DNAJC5: variants seen among roughly 807,000 people sequenced by gnomAD.
The protein encoded by DNAJC5 is DnaJ heat shock protein family (Hsp40) member C5, also known as dnaJ homolog subfamily C member 5.
DNAJC5 carries 1 observed loss-of-function variant against 23.2 expected under a neutral mutation model. That is an observed-to-expected ratio of 0.04 (90% CI 0.02 to 0.20). The LOEUF is 0.20. Among genes scored for constraint, DNAJC5 ranks in the 10% least tolerant of loss-of-function variants. The pLI is 1.00. For synonymous variants in DNAJC5, 136 were observed against 120.0 expected, an observed-to-expected ratio of 1.13 and a Z score of -0.87; for missense variants, 180 against 267.0, an observed-to-expected ratio of 0.67 and a Z score of 2.27.
intron 3 of DNAJC5, 33 bp from the exon 4 acceptor site, chr20:63,930,818 A>G: frequency 6.2e-7 from 1 of 1,610,980 alleles, no homozygotes; most frequent in Non-Finnish European, 8.5e-7. Context: ...GGGGCCTCGG[A>G]GGCCATGCAA....
At chr20:63,919,285 G>A (rs1295037349) in intron 1 of DNAJC5, among the ~76,000 whole-genome samples, 1 of 152,218 alleles carries the variant, frequency 6.6e-6, no homozygotes, top group Non-Finnish European at 1.5e-5. Flanking sequence ...TGAGTCCCCA[G>A]CTCTGAGAAC....
At chr20:63,924,999 T>C (rs151127018) in intron 1 of DNAJC5, among the ~76,000 whole-genome samples, 475 of 152,292 alleles carry the variant, frequency 3.1e-3, no homozygotes, top group African/African-American at 0.011. Flanking sequence ...AGAAGAACTT[T>C]ATTGAGCAGT....
chr20:63,905,586 T>C (rs902829753), intron 1 of DNAJC5, among the ~76,000 whole-genome samples: 2 of 148,688 alleles, frequency 1.3e-5, no homozygotes, highest in African/African-American at 2.5e-5. Context: ...TTTTTTTTTT[T>C]CACGGAGTCT....
Position 63,930,672 on chromosome 20 carries a change from G to A in DNAJC5, c.322-179G>A, listed in dbSNP as rs545515089. On this transcript the variant is annotated intron_variant, in intron 3 of 4. Coordinates refer to ENST00000360864, the MANE Select transcript of DNAJC5 (RefSeq NM_025219.3). ...TGGAGGCTGCTTTTCTTTAAGCTGC[G>A]GGTTTCTTTCTGTCTCTCCTCCTCC... is the stretch of plus-strand genomic sequence containing the variant. Among the ~76,000 whole-genome samples, 3 of 152,284 alleles carry A rather than the reference G, an allele frequency of 2.0e-5. No individual in the cohort carries two copies. In the East Asian group the frequency reaches 5.8e-4, roughly 29 times the overall value.
intron 1 of DNAJC5, among the ~76,000 whole-genome samples, chr20:63,904,614 G>T (rs376765147): frequency 6.6e-6 from 1 of 152,148 alleles, no homozygotes; most frequent in Non-Finnish European, 1.5e-5. Context: ...TTGTAAACCT[G>T]CTCTGGTTAA....
intron 1 of DNAJC5, among the ~76,000 whole-genome samples, chr20:63,904,849 G>C (rs534018376): frequency 9.2e-5 from 14 of 152,192 alleles, no homozygotes; most frequent in Admixed American, 2.6e-4. Context: ...TGTACCCCAG[G>C]CTGGAGTGCA....
At chr20:63,895,993 C>T (rs1256545193) in intron 1 of DNAJC5, among the ~76,000 whole-genome samples, 1 of 152,026 alleles carries the variant, frequency 6.6e-6, no homozygotes, top group Admixed American at 6.5e-5. Flanking sequence ...TTTCGTGTGC[C>T]GAAGCCATGA....
rs1401745115 is a variant in DNAJC5, at chr20:63,920,781, G to A, written c.-11-7554G>A. ...CAACCTCCCCCTCGAGGGTTCAAGC[G>A]ATTCTCCTGCCTCAGCCTCCTGAGT... On this transcript the variant is annotated intron_variant, in intron 1 of 4. Transcript: ENST00000360864. This position sits in a 1 kb window ranked among gnomAD's most constrained non-coding sequence, Gnocchi z 4.6. Among the ~76,000 whole-genome samples the A allele has an allele frequency of 1.3e-5, 2 of 152,052 alleles. No homozygotes were observed. The highest frequency in any genetic ancestry group is 6.6e-5 in the Admixed American group (1 of 15,264).
rs1026889277 is a variant in DNAJC5 at position 63,928,052 on chromosome 20, C to T, written c.-11-283C>T. ...GCAGCCTCAAACTCCTGGGCTCAAG[C>T]GGTCCTCCCGCCTCAGCCTCCCAAA... On this transcript the variant is annotated intron_variant, in intron 1 of 4. Transcript: ENST00000360864. This position sits in a 1 kb window ranked among gnomAD's most constrained non-coding sequence, Gnocchi z 4.6. Among the ~76,000 whole-genome samples the T allele has an allele frequency of 1.3e-5, 2 of 152,298 alleles. No homozygotes were observed. The highest frequency in any genetic ancestry group is 2.1e-4 in the South Asian group (1 of 4,826).
At chr20:63,914,204 C>T (rs898718005) in intron 1 of DNAJC5, among the ~76,000 whole-genome samples, 1 of 152,122 alleles carries the variant, frequency 6.6e-6, no homozygotes, top group Non-Finnish European at 1.5e-5. Context: ...CTGTGACCCA[C>T]AGGGTTTACC....
intron 1 of DNAJC5, among the ~76,000 whole-genome samples, chr20:63,923,873 A>G (rs1249200355): frequency 1.3e-4 from 20 of 152,224 alleles, no homozygotes; most frequent in Admixed American, 1.2e-3. Flanking sequence ...TTGAGCCAGA[A>G]CGACCTGGCC....
chr20:63,918,099 T>A (rs1227453712), intron 1 of DNAJC5, among the ~76,000 whole-genome samples: 1 of 152,206 alleles, frequency 6.6e-6, no homozygotes, highest in African/African-American at 2.4e-5. Flanking sequence ...CCAGATGTCC[T>A]TCGGTGCAAG....
At chr20:63,918,455 A>G (rs1568982039) in intron 1 of DNAJC5, among the ~76,000 whole-genome samples, 2 of 152,212 alleles carry the variant, frequency 1.3e-5, no homozygotes, top group African/African-American at 4.8e-5. Flanking sequence ...ACATGAGGTA[A>G]TTTTTTAGAA....
chr20:63,907,480 G>A (rs1352047481), intron 1 of DNAJC5, among the ~76,000 whole-genome samples: 2 of 152,154 alleles, frequency 1.3e-5, no homozygotes, highest in South Asian at 2.1e-4. Context: ...AGAGGAGATC[G>A]ACATGGGGAG....
At chr20:63,919,694 C>T (rs1256529321) in intron 1 of DNAJC5, 5 of 438,104 alleles carry the variant, frequency 1.1e-5, no homozygotes, top group Non-Finnish European at 1.7e-5. Context: ...GCCCAGGGCC[C>T]GGGACAGCGC....
chr20:63,908,237 GGCCA>G (rs2053459830), intron 1 of DNAJC5, among the ~76,000 whole-genome samples: 1 of 152,226 alleles, frequency 6.6e-6, no homozygotes, highest in South Asian at 2.1e-4. Context: ...GGGAGGTGGT[GGCCA>G]GCCATCACCC....
At position 63,931,123 on chromosome 20, in the gene DNAJC5, T is replaced by G. The variant is rs1298689270; in HGVS notation, c.493+101T>G. The G allele has an allele frequency of 7.8e-7, 1 of 1,279,918 alleles. No individual in the cohort carries two copies. Among genetic ancestry groups the G allele is most frequent in the African/African-American group, 1.5e-5 (1 of 68,430 alleles). 79.3% of individuals were successfully genotyped at this position (1,279,918 alleles called of 1,614,324 possible). A position where few individuals can be genotyped will look rare whatever the true frequency, so the allele number is the denominator to read the frequency against. ...TTGTCAAACAGGAGGGCACTGACAC[T>G]GTGCCGCGAGTGTTTGTGGTGGCAG... On this transcript the variant is annotated intron_variant, in intron 4 of 4. Transcript: ENST00000360864. This position sits in a 1 kb window ranked among gnomAD's most constrained non-coding sequence, Gnocchi z 9.6.
intron 1 of DNAJC5, among the ~76,000 whole-genome samples, chr20:63,897,101 AAGTC>A (rs1306807666): frequency 6.6e-6 from 1 of 152,202 alleles, no homozygotes; most frequent in Non-Finnish European, 1.5e-5. Flanking sequence ...CGTTTCTAAA[AAGTC>A]AGATCTGTTG....
chr20:63,931,293 G>A lies in DNAJC5; in HGVS notation c.494-172G>A. On this transcript the variant is annotated intron_variant, in intron 4 of 4. Transcript: ENST00000360864. This position sits in a 1 kb window ranked among gnomAD's most constrained non-coding sequence, Gnocchi z 9.6. ...CAGTTGGGGCGGGGCTGAGGGCCGA[G>A]GGCTGGCGGTGACCCAAGGCGACGG... 14 of 805,602 alleles carry A rather than the reference G, an allele frequency of 1.7e-5. 1 individual carries two copies. In the South Asian group the frequency reaches 2.1e-4, roughly 12 times the overall value. 49.9% of individuals were successfully genotyped at this position (805,602 alleles called of 1,614,324 possible).
Sources: allele counts gnomAD v4.1 joint callset (sites outside exome capture counted in the v4.1 genomes callset), GRCh38; gene constraint gnomAD v4.1.1; non-coding constraint Gnocchi (gnomAD v3.1); transcripts MANE v1.5; gene names NCBI Gene and HGNC (gene_info 2026-07-23, HGNC 2026-07-21).